SOX5: variants seen among roughly 807,000 people sequenced by gnomAD.
The protein encoded by SOX5 is SRY-box transcription factor 5.
In SOX5, 9 loss-of-function variants were observed where a neutral mutation model predicts 92.0. That is an observed-to-expected ratio of 0.10 (90% CI 0.06 to 0.17). SOX5 has a LOEUF of 0.17. SOX5 is among the 10% of genes least tolerant of loss of function. The pLI, the probability that SOX5 is intolerant of heterozygous loss-of-function variation, is 1.00. For synonymous variants in SOX5, 344 were observed against 336.3 expected, an observed-to-expected ratio of 1.02 and a Z score of -0.25; for missense variants, 642 against 944.5, an observed-to-expected ratio of 0.68 and a Z score of 4.20.
intron 1 of SOX5, among the ~76,000 whole-genome samples, chr12:24,461,449 C>G (rs374383845): frequency 6.6e-6 from 1 of 152,138 alleles, no homozygotes; most frequent in Non-Finnish European, 1.5e-5. Context: ...CATGGGTCAT[C>G]ATGTCATTGT....
intron 4 of SOX5, among the ~76,000 whole-genome samples, chr12:23,745,020 C>T (rs1402890644): frequency 1.3e-5 from 2 of 152,076 alleles, no homozygotes; most frequent in Non-Finnish European, 2.9e-5. Flanking sequence ...TTAGGACCCA[C>T]CATAATAAAC....
chr12:24,365,173 C>A lies in SOX5; in HGVS notation c.-174+3390G>T, dbSNP rs73289739. 6.2e-3 allele frequency among the ~76,000 whole-genome samples: 945 copies of A among 152,016 alleles called. 6 individuals are homozygous for A. Among genetic ancestry groups the A allele is most frequent in the African/African-American group, 0.022 (895 of 41,480 alleles). On this transcript the variant is annotated intron_variant, in intron 2 of 4. Coordinates refer to the SOX5 transcript ENST00000446891. ...AGAGACAAAAGGTGACACACTGTAA[C>A]GTCTTTATTTAACATATTTATTCTT... is the stretch of plus-strand genomic sequence containing the variant.
chr12:23,666,833 C>T (rs2083888429), intron 6 of SOX5, among the ~76,000 whole-genome samples: 1 of 152,110 alleles, frequency 6.6e-6, no homozygotes, highest in African/African-American at 2.4e-5. Context: ...AAGATAATTA[C>T]ATATTTATTC....
chr12:23,613,930 G>A (rs1213190212), intron 8 of SOX5, among the ~76,000 whole-genome samples: 1 of 152,152 alleles, frequency 6.6e-6, no homozygotes, highest in Non-Finnish European at 1.5e-5. Flanking sequence ...CTGGAGGACA[G>A]GTTTGAATTT....
intron 2 of SOX5, among the ~76,000 whole-genome samples, chr12:24,358,661 G>T (rs1004672092): frequency 2.0e-5 from 3 of 151,670 alleles, no homozygotes; most frequent in African/African-American, 7.3e-5. Context: ...TGGTAATTTA[G>T]TTGTTGCTAA....
intron 4 of SOX5, among the ~76,000 whole-genome samples, chr12:23,999,301 AG>A (rs909203612): frequency 1.3e-5 from 2 of 152,122 alleles, no homozygotes; most frequent in Non-Finnish European, 1.5e-5. Flanking sequence ...CCAATGGTGA[AG>A]GGGGTTGAAA....
intron 2 of SOX5, among the ~76,000 whole-genome samples, chr12:24,356,000 C>T (rs1954782686): frequency 6.6e-6 from 1 of 151,576 alleles, no homozygotes; most frequent in Non-Finnish European, 1.5e-5. Flanking sequence ...CCAATTTATT[C>T]TTTGTGGATT....
At chr12:23,965,001 G>A (rs914593826) in intron 4 of SOX5, among the ~76,000 whole-genome samples, 6 of 151,916 alleles carry the variant, frequency 3.9e-5, no homozygotes, top group South Asian at 2.1e-4. Context: ...GCACAGGGGC[G>A]CGTGGTCAGC....
At chr12:23,936,184 TTG>T (rs1942514902) in intron 1 of SOX5, among the ~76,000 whole-genome samples, 1 of 151,004 alleles carries the variant, frequency 6.6e-6, no homozygotes, top group African/African-American at 2.4e-5. Flanking sequence ...GGATCACATC[TTG>T]TGGGTCAATT....
intron 3 of SOX5, among the ~76,000 whole-genome samples, chr12:24,215,714 C>A (rs1959114904): frequency 6.6e-6 from 1 of 151,474 alleles, no homozygotes; most frequent in Admixed American, 6.6e-5. Flanking sequence ...TATCAAAATC[C>A]CAGTTGGCTT....
At position 24,183,298 on chromosome 12, in the gene SOX5, G is replaced by A. The variant is rs1955693976; in HGVS notation, c.-2+30045C>T. ...TGCCATTTTACAAACCTCTGATGTTGCCACAATTTTTAAAAATTTATTGAA... is the reference window on the plus strand; with the variant it reads ...TGCCATTTTACAAACCTCTGATGTTACCACAATTTTTAAAAATTTATTGAA... On this transcript the variant is annotated intron_variant, in intron 4 of 4. Coordinates refer to the SOX5 transcript ENST00000446891. 3.3e-5 allele frequency among the ~76,000 whole-genome samples: 5 copies of A among 152,022 alleles called. No homozygotes were observed. In the South Asian group the frequency reaches 8.3e-4, roughly 25 times the overall value.
intron 6 of SOX5, among the ~76,000 whole-genome samples, chr12:23,671,938 G>T (rs1043858047): frequency 2.0e-5 from 3 of 152,010 alleles, no homozygotes; most frequent in African/African-American, 7.2e-5. Context: ...AAAAGCCACA[G>T]AACTTTTTTT....
intron 1 of SOX5, among the ~76,000 whole-genome samples, chr12:24,373,432 G>A (rs1485208719): frequency 2.0e-5 from 3 of 152,112 alleles, no homozygotes; most frequent in Non-Finnish European, 4.4e-5. Context: ...GCTAAATTCT[G>A]TGTTAGTTGA....
At chr12:24,104,297 T>C (rs1310005405) in intron 4 of SOX5, among the ~76,000 whole-genome samples, 1 of 152,188 alleles carries the variant, frequency 6.6e-6, no homozygotes, top group Non-Finnish European at 1.5e-5. Flanking sequence ...TTCAATTATT[T>C]ATTCATTTTA....
chr12:24,171,894 A>G (rs1320951050), intron 4 of SOX5, among the ~76,000 whole-genome samples: 1 of 152,046 alleles, frequency 6.6e-6, no homozygotes, highest in African/African-American at 2.4e-5. Context: ...GAAAGTTTCC[A>G]TTTTCACAGA....
At chr12:23,983,373 A>C (rs764606571) in intron 4 of SOX5, among the ~76,000 whole-genome samples, 1 of 152,164 alleles carries the variant, frequency 6.6e-6, no homozygotes, top group South Asian at 2.1e-4. Context: ...ATTTTCACCA[A>C]AGCATCAAAT....
intron 1 of SOX5, among the ~76,000 whole-genome samples, chr12:24,500,145 C>A (rs1030755674): frequency 9.9e-5 from 15 of 152,244 alleles, no homozygotes; most frequent in East Asian, 7.7e-4. Flanking sequence ...TATTTATAAA[C>A]CATCTTTATG....
intron 4 of SOX5, among the ~76,000 whole-genome samples, chr12:24,001,655 A>G (rs908826021): frequency 7.1e-6 from 1 of 141,788 alleles, no homozygotes; most frequent in Non-Finnish European, 1.6e-5. Flanking sequence ...CCATCTCTAC[A>G]AAAAAATTTT....
intron 4 of SOX5, among the ~76,000 whole-genome samples, chr12:24,182,294 C>G (rs1487218993): frequency 1.3e-5 from 2 of 152,160 alleles, no homozygotes; most frequent in Non-Finnish European, 2.9e-5. Context: ...TTCATATGCT[C>G]TAAGCCAAGG....
Sources: gnomAD v4.1 joint callset for allele counts (sites outside exome capture counted in the v4.1 genomes callset) on GRCh38, gnomAD v4.1.1 for gene constraint, MANE v1.5 for transcripts, NCBI Gene and HGNC (gene_info 2026-07-23, HGNC 2026-07-21) for gene names.